Variants in SLIT3 observed in about 807,000 individuals in gnomAD.
SLIT3 encodes slit homolog 3 protein.
In SLIT3, 68 loss-of-function variants were observed where a neutral mutation model predicts 184.0. That is an observed-to-expected ratio of 0.37 (90% CI 0.30 to 0.45). The LOEUF is 0.45. Among genes scored for constraint, SLIT3 ranks in the 20% least tolerant of loss-of-function variants. The pLI is 1.00. For missense variants in SLIT3, 1,707 were observed against 2,026.0 expected (o/e 0.84, Z 3.02); for synonymous variants, 831 against 828.6 (o/e 1.00, Z -0.05).
At chr5:168,756,007 G>A (rs188366478) in intron 16 of SLIT3, among the ~76,000 whole-genome samples, 1 of 152,338 alleles carries the variant, frequency 6.6e-6, no homozygotes, top group East Asian at 1.9e-4. Flanking sequence ...GGAGAGTCCA[G>A]CCTCCCAAGC....
At chr5:168,815,997 T>C (rs1757324040) in intron 8 of SLIT3, among the ~76,000 whole-genome samples, 1 of 152,232 alleles carries the variant, frequency 6.6e-6, no homozygotes, top group Non-Finnish European at 1.5e-5. Context: ...ACTGGCTTCC[T>C]GGAAATCAAA....
intron 1 of SLIT3, among the ~76,000 whole-genome samples, chr5:169,295,744 C>T (rs1053244188): frequency 6.6e-6 from 1 of 152,178 alleles, no homozygotes; most frequent in Non-Finnish European, 1.5e-5. Context: ...AACTCTGTGA[C>T]AACAAACAAT....
At chr5:168,736,496 A>G (rs538713085) in intron 20 of SLIT3, among the ~76,000 whole-genome samples, 1 of 152,338 alleles carries the variant, frequency 6.6e-6, no homozygotes, top group East Asian at 1.9e-4. Context: ...TGTTCTATTA[A>G]GTGCTCTGGG....
chr5:168,803,378 A>C (rs917674070), intron 9 of SLIT3, among the ~76,000 whole-genome samples: 12 of 152,234 alleles, frequency 7.9e-5, no homozygotes, highest in African/African-American at 2.9e-4. Context: ...ATCAGAGAAA[A>C]ACTCAGTCGT....
chr5:168,753,826 C>T (rs1234402803), intron 17 of SLIT3, 38 bp downstream of exon 17: 1 of 1,599,622 alleles, frequency 6.3e-7, no homozygotes. Flanking sequence ...TCCCGTCTCC[C>T]TCTGGGTCTT....
At chr5:169,127,455 A>C (rs1036677073) in intron 4 of SLIT3, among the ~76,000 whole-genome samples, 2 of 152,350 alleles carry the variant, frequency 1.3e-5, no homozygotes, top group African/African-American at 4.8e-5. Context: ...ATGGTTTTCA[A>C]ATAGAATGTG....
chr5:169,277,800 T>C (rs1222589891), intron 1 of SLIT3, among the ~76,000 whole-genome samples: 1 of 152,206 alleles, frequency 6.6e-6, no homozygotes, highest in East Asian at 1.9e-4. Flanking sequence ...GATCGTATGG[T>C]AGTCCTACGT....
intron 20 of SLIT3, among the ~76,000 whole-genome samples, chr5:168,744,554 G>A (rs1306180328): frequency 6.6e-6 from 1 of 152,194 alleles, no homozygotes; most frequent in Admixed American, 6.5e-5. Context: ...TGACTTTCTT[G>A]TTAGGGGCCA....
intron 1 of SLIT3, among the ~76,000 whole-genome samples, chr5:169,255,673 A>G (rs1765932367): frequency 1.3e-5 from 2 of 152,158 alleles, no homozygotes; most frequent in South Asian, 4.1e-4. Context: ...CACAAGGTCA[A>G]GAGATCGAGA....
chr5:168,872,830 C>G (rs1280572862), intron 5 of SLIT3, among the ~76,000 whole-genome samples: 2 of 151,850 alleles, frequency 1.3e-5, no homozygotes, highest in Non-Finnish European at 2.9e-5. Context: ...TTAGTAGAGA[C>G]GGGGTTTCAC....
At chr5:168,739,268 C>T (rs1253053517) in intron 20 of SLIT3, among the ~76,000 whole-genome samples, 1 of 152,110 alleles carries the variant, frequency 6.6e-6, no homozygotes, top group Admixed American at 6.5e-5. Context: ...AGTTATGTAA[C>T]AGAGGACCAA....
rs13167449 is a variant in SLIT3, at chr5:168,841,655, A to C, written c.557+2929T>G. ...CACCTCCAATGTTCTCATTCAATGT[A>C]ACTGGTAAAACCATTGTCAGCCTCG... On this transcript the variant is annotated intron_variant, in intron 6 of 35. Transcript: ENST00000519560. 4.0e-3 allele frequency among the ~76,000 whole-genome samples: 606 copies of C among 152,330 alleles called. 3 individuals carry two copies. The highest frequency in any genetic ancestry group is 6.8e-3 in the Middle Eastern group (2 of 294).
chr5:169,007,345 T>A (rs563604354), intron 4 of SLIT3, among the ~76,000 whole-genome samples: 1 of 152,356 alleles, frequency 6.6e-6, no homozygotes, highest in Admixed American at 6.5e-5. Flanking sequence ...GTATCTTGGA[T>A]GTTTTCCTAG....
At chr5:168,809,330 C>A (rs1757088455) in intron 8 of SLIT3, among the ~76,000 whole-genome samples, 2 of 152,138 alleles carry the variant, frequency 1.3e-5, no homozygotes, top group South Asian at 4.1e-4. Flanking sequence ...GAAAAAGATT[C>A]CTTAACCAGG....
intron 4 of SLIT3, among the ~76,000 whole-genome samples, chr5:169,154,490 A>G (rs1365191008): frequency 6.6e-6 from 1 of 152,188 alleles, no homozygotes; most frequent in African/African-American, 2.4e-5. Context: ...GACACATCTC[A>G]TTGCTGAGAA....
intron 4 of SLIT3, among the ~76,000 whole-genome samples, chr5:169,162,633 C>T (rs757219252): frequency 2.0e-5 from 3 of 152,196 alleles, no homozygotes; most frequent in Non-Finnish European, 2.9e-5. Flanking sequence ...TCAAAGCATC[C>T]GTGTTCAGAG....
At chr5:168,966,027 T>G (rs1365639156) in intron 4 of SLIT3, among the ~76,000 whole-genome samples, 1 of 152,242 alleles carries the variant, frequency 6.6e-6, no homozygotes, top group Non-Finnish European at 1.5e-5. Context: ...GCAGTCATAA[T>G]GTGCAGAAGT....
chr5:169,016,696 T>G (rs1201261414), intron 4 of SLIT3, among the ~76,000 whole-genome samples: 1 of 152,230 alleles, frequency 6.6e-6, no homozygotes, highest in Non-Finnish European at 1.5e-5. Context: ...AAAGGCATGT[T>G]AATACTCTCA....
intron 5 of SLIT3, among the ~76,000 whole-genome samples, chr5:168,849,152 G>A (rs1208589600): frequency 6.6e-6 from 1 of 152,162 alleles, no homozygotes; most frequent in Admixed American, 6.5e-5. Context: ...ATAGGCTTTG[G>A]GTATCTGGAA....
Sources: gnomAD v4.1 joint callset for allele counts (sites outside exome capture counted in the v4.1 genomes callset) on GRCh38, gnomAD v4.1.1 for gene constraint, MANE v1.5 for transcripts, NCBI Gene and HGNC (gene_info 2026-07-23, HGNC 2026-07-21) for gene names.